GPC5: variants seen among roughly 807,000 people sequenced by gnomAD.
GPC5 encodes the protein glypican 5, also known as glypican-5.
In GPC5, 47 loss-of-function variants were observed where a neutral mutation model predicts 53.9. That is an observed-to-expected ratio of 0.87 (90% CI 0.69 to 1.11). The LOEUF is 1.11. GPC5 is among the 50% of genes most tolerant of loss of function. The pLI is 0.00. For synonymous variants in GPC5, 286 were observed against 263.3 expected (o/e 1.09, Z -0.84); for missense variants, 748 against 713.1 (o/e 1.05, Z -0.56).
intron 5 of GPC5, among the ~76,000 whole-genome samples, chr13:91,786,996 A>T (rs345449): frequency 0.38 from 54,318 of 143,436 alleles, 11,455 homozygotes; most frequent in African/African-American, 0.6. Flanking sequence ...TTTTATTTTG[A>T]TTTGCAATTG....
intron 7 of GPC5, among the ~76,000 whole-genome samples, chr13:92,410,674 G>A (rs1320822199): frequency 6.6e-5 from 10 of 152,250 alleles, no homozygotes; most frequent in East Asian, 5.8e-4. Context: ...CAAAATGTTC[G>A]CAAGACTTTT....
At chr13:92,569,274 T>G (rs1415920135) in intron 7 of GPC5, among the ~76,000 whole-genome samples, 1 of 151,934 alleles carries the variant, frequency 6.6e-6, no homozygotes, top group African/African-American at 2.4e-5. Context: ...TTTCAATGAA[T>G]GCTCACACTG....
chr13:92,214,338 G>A (rs904343087), intron 7 of GPC5, among the ~76,000 whole-genome samples: 14 of 152,128 alleles, frequency 9.2e-5, no homozygotes, highest in African/African-American at 3.1e-4. Context: ...CACTATAGAA[G>A]ACCAGTGGCA....
At chr13:92,640,096 T>C (rs1885540640) in intron 7 of GPC5, among the ~76,000 whole-genome samples, 1 of 152,038 alleles carries the variant, frequency 6.6e-6, no homozygotes, top group African/African-American at 2.4e-5. Context: ...GAGACAGATA[T>C]ATATGTATGC....
At chr13:91,760,865 C>T (rs1311075663) in intron 5 of GPC5, among the ~76,000 whole-genome samples, 1 of 152,138 alleles carries the variant, frequency 6.6e-6, no homozygotes, top group African/African-American at 2.4e-5. Context: ...GAAACAAAAT[C>T]TATTTAACTC....
intron 2 of GPC5, among the ~76,000 whole-genome samples, chr13:91,542,227 G>T (rs1261740283): frequency 6.6e-6 from 1 of 151,708 alleles, no homozygotes; most frequent in Non-Finnish European, 1.5e-5. Flanking sequence ...TACATGCATT[G>T]GGATATAGTC....
At chr13:92,521,752 G>T (rs1248259255) in intron 7 of GPC5, among the ~76,000 whole-genome samples, 42 of 152,158 alleles carry the variant, frequency 2.8e-4, no homozygotes, top group Admixed American at 2.8e-3. Flanking sequence ...AAAAGCAATG[G>T]CAACAGAAGC....
At chr13:91,612,547 A>G (rs1311617021) in intron 2 of GPC5, among the ~76,000 whole-genome samples, 1 of 152,210 alleles carries the variant, frequency 6.6e-6, no homozygotes, top group Non-Finnish European at 1.5e-5. Flanking sequence ...GTGAAGTAAA[A>G]TATTCAAATA....
intron 7 of GPC5, among the ~76,000 whole-genome samples, chr13:92,479,653 T>C (rs1203919380): frequency 6.6e-6 from 1 of 152,164 alleles, no homozygotes; most frequent in Non-Finnish European, 1.5e-5. Flanking sequence ...AGAATGAAAT[T>C]CAGGGCATAA....
chr13:91,899,240 T>C (rs1229927925), intron 5 of GPC5, among the ~76,000 whole-genome samples: 3 of 152,134 alleles, frequency 2.0e-5, no homozygotes, highest in Non-Finnish European at 4.4e-5. Context: ...ACAGAAATTG[T>C]CCATTGCATC....
intron 7 of GPC5, among the ~76,000 whole-genome samples, chr13:92,272,418 A>G (rs1180571333): frequency 6.6e-6 from 1 of 152,194 alleles, no homozygotes; most frequent in Non-Finnish European, 1.5e-5. Flanking sequence ...ACCATCTAGC[A>G]ATGTTTTGAT....
chr13:92,435,928 T>C (rs1051757941), intron 7 of GPC5, among the ~76,000 whole-genome samples: 3 of 152,180 alleles, frequency 2.0e-5, no homozygotes, highest in Admixed American at 6.6e-5. Flanking sequence ...ATACAGCACT[T>C]CATTTGCCAA....
chr13:92,164,349 C>T (rs990876688), intron 7 of GPC5, among the ~76,000 whole-genome samples: 2 of 152,188 alleles, frequency 1.3e-5, no homozygotes, highest in Non-Finnish European at 2.9e-5. Context: ...GGGGTACAGA[C>T]ATTGGATAAA....
rs188109380 is a variant in GPC5 at position 92,358,388 on chromosome 13, G to T, written c.1561+213399G>T. Among the ~76,000 whole-genome samples the T allele has an allele frequency of 4.6e-5, 7 of 151,814 alleles. No homozygotes were observed. In the East Asian group the frequency reaches 1.4e-3, roughly 29 times the overall value. On this transcript the variant is annotated intron_variant, in intron 7 of 7. Transcript: ENST00000377067. The stretch of plus-strand genomic sequence containing the variant: ...CACTGAGTGCCTGAGGCTTTTCCAG[G>T]TACATGGTGCAAGCTGTTGGATCTA...
intron 7 of GPC5, among the ~76,000 whole-genome samples, chr13:92,492,922 C>T (rs1031961033): frequency 5.9e-5 from 9 of 152,098 alleles, no homozygotes; most frequent in Non-Finnish European, 7.4e-5. Flanking sequence ...TTTTTTCCAT[C>T]TGATAGGTGT....
At chr13:91,519,908 A>C (rs887638444) in intron 2 of GPC5, among the ~76,000 whole-genome samples, 4 of 152,222 alleles carry the variant, frequency 2.6e-5, no homozygotes, top group Admixed American at 6.5e-5. Flanking sequence ...TCCAAGGAAA[A>C]AAAGAACTTA....
intron 2 of GPC5, among the ~76,000 whole-genome samples, chr13:91,624,449 T>C (rs1421067959): frequency 6.6e-6 from 1 of 152,072 alleles, no homozygotes; most frequent in Non-Finnish European, 1.5e-5. Flanking sequence ...ATAGAAAATA[T>C]AGTTATAGTG....
intron 1 of GPC5, among the ~76,000 whole-genome samples, chr13:91,410,594 C>T (rs1385514535): frequency 1.3e-5 from 2 of 151,820 alleles, no homozygotes; most frequent in African/African-American, 2.4e-5. Flanking sequence ...GATCCGCCCG[C>T]CTTGGCCTCC....
intron 6 of GPC5, among the ~76,000 whole-genome samples, chr13:92,077,365 T>C (rs1430675032): frequency 6.6e-6 from 1 of 152,132 alleles, no homozygotes; most frequent in African/African-American, 2.4e-5. Flanking sequence ...ATTACCCTAA[T>C]GTAAAAAGTA....
Sources: gnomAD v4.1 joint callset for allele counts (sites outside exome capture counted in the v4.1 genomes callset) on GRCh38, gnomAD v4.1.1 for gene constraint, MANE v1.5 for transcripts, NCBI Gene and HGNC (gene_info 2026-07-23, HGNC 2026-07-21) for gene names.